LHFPL6: variants seen among roughly 807,000 people sequenced by gnomAD.
LHFPL6 encodes LHFPL tetraspan subfamily member 6 protein.
LHFPL6 carries 9 observed loss-of-function variants against 20.6 expected under a neutral mutation model. The ratio of observed to expected loss-of-function variants is 0.44; its 90% CI spans 0.26 to 0.76. LHFPL6 has a LOEUF of 0.76. Ranked by LOEUF, LHFPL6 falls within the 30% of genes least tolerant of loss-of-function variation. The pLI is 0.20. For synonymous variants in LHFPL6, 105 were observed against 98.7 expected (o/e 1.06, Z -0.38); for missense variants, 218 against 253.5 (o/e 0.86, Z 0.95).
intron 2 of LHFPL6, among the ~76,000 whole-genome samples, chr13:39,383,391 T>G (rs1019219276): frequency 2.0e-5 from 3 of 152,236 alleles, no homozygotes; most frequent in African/African-American, 7.2e-5. Flanking sequence ...TAGCCACAGG[T>G]AGCCCTTTAA....
At chr13:39,501,312 C>T (rs1241569126) in intron 2 of LHFPL6, among the ~76,000 whole-genome samples, 1 of 152,174 alleles carries the variant, frequency 6.6e-6, no homozygotes, top group East Asian at 1.9e-4. Context: ...CAGCCTCTCA[C>T]GCTATCCTTT....
chr13:39,519,073 T>G (rs1008147795), intron 2 of LHFPL6, among the ~76,000 whole-genome samples: 1 of 152,052 alleles, frequency 6.6e-6, no homozygotes, highest in African/African-American at 2.4e-5. Flanking sequence ...TCGTCTCTAC[T>G]AAAAATACAA....
In LHFPL6 at chr13:39,601,165, G is replaced by A; in HGVS notation, c.52C>T (p.Leu18Phe). The change falls in exon 2 of 4, where the codon CTT (leucine) becomes TTT (phenylalanine). Residue 18 changes from leucine to phenylalanine, a missense_variant. Transcript: ENST00000379589. ...CCCACGCAGGAGGTGGCAGCACAAA[G>A]AAAAGACAGCAAAGCCCAGATTACT... The part of the protein sequence containing the change: ...TGVIWALLSF[L>F]CAATSCVGFF... The A allele has an allele frequency of 6.2e-7, 1 of 1,614,068 alleles. No individual in the cohort carries two copies. The highest frequency in any genetic ancestry group is 8.5e-7 in the Non-Finnish European group (1 of 1,180,016).
chr13:39,439,519 A>G (rs1017015811), intron 2 of LHFPL6, among the ~76,000 whole-genome samples: 1 of 151,916 alleles, frequency 6.6e-6, no homozygotes, highest in Non-Finnish European at 1.5e-5. Context: ...TGTGAGGGGG[A>G]CATAAGATTT....
Position 39,502,153 on chromosome 13 carries a change from C to T in LHFPL6, c.385+98679G>A, listed in dbSNP as rs549165057. 9.8e-5 allele frequency among the ~76,000 whole-genome samples: 15 copies of T among 152,302 alleles called. No homozygotes were observed. The East Asian group carries it at 2.9e-3, about 29-fold the overall frequency. On this transcript the variant is annotated intron_variant, in intron 2 of 3. Coordinates refer to ENST00000379589, the MANE Select transcript of LHFPL6 (RefSeq NM_005780.3). The stretch of plus-strand genomic sequence containing the variant: ...TGCTGTGTGTGTCACAGATGGTGCA[C>T]AAACACCTCAAAATGGCCTTGCCAG...
At chr13:39,381,088 C>T (rs181046836) in intron 2 of LHFPL6, among the ~76,000 whole-genome samples, 71 of 152,280 alleles carry the variant, frequency 4.7e-4, no homozygotes, top group Non-Finnish European at 8.8e-5. Flanking sequence ...TCCACTCAGT[C>T]CGTGGAAAAA....
chr13:39,380,283 C>A (rs899919403), intron 2 of LHFPL6, among the ~76,000 whole-genome samples: 2 of 152,112 alleles, frequency 1.3e-5, no homozygotes, highest in African/African-American at 4.8e-5. Context: ...AGAAAGGCAT[C>A]TGGACAAGAA....
chr13:39,538,093 C>T (rs971477809), intron 2 of LHFPL6, among the ~76,000 whole-genome samples: 6 of 150,754 alleles, frequency 4.0e-5, no homozygotes, highest in African/African-American at 1.5e-4. Flanking sequence ...CAGGTTCAAG[C>T]GATTCTCCTG....
chr13:39,561,496 G>A (rs1192411716), intron 2 of LHFPL6, among the ~76,000 whole-genome samples: 2 of 152,220 alleles, frequency 1.3e-5, no homozygotes, highest in South Asian at 4.1e-4. Context: ...TAAGAGATGG[G>A]GTCTTGTTCT....
chr13:39,472,613 AT>A (rs1463578091), intron 2 of LHFPL6, among the ~76,000 whole-genome samples: 1 of 151,650 alleles, frequency 6.6e-6, no homozygotes, highest in African/African-American at 2.4e-5. Context: ...ATTTTAATTA[AT>A]TTTTTTGTGT....
At chr13:39,489,377 C>T (rs7333848) in intron 2 of LHFPL6, among the ~76,000 whole-genome samples, 1 of 152,056 alleles carries the variant, frequency 6.6e-6, no homozygotes, top group South Asian at 2.1e-4. Flanking sequence ...GGAGTGCTTC[C>T]TTGGACAAGG....
chr13:39,369,599 C>CTTCCT (rs370421871), intron 3 of LHFPL6, among the ~76,000 whole-genome samples: 4 of 40,152 alleles, frequency 1.0e-4, no homozygotes, highest in South Asian at 8.1e-4. Flanking sequence ...TCCTTCCTTC[C>CTTCCT]TCCCTCTCTC....
At chr13:39,601,593 G>A (rs139159504) in intron 1 of LHFPL6, among the ~76,000 whole-genome samples, 173 of 152,128 alleles carry the variant, frequency 1.1e-3, no homozygotes, top group African/African-American at 3.7e-3. Flanking sequence ...TTTATCTTCC[G>A]TAAATATTTC....
intron 2 of LHFPL6, among the ~76,000 whole-genome samples, chr13:39,521,800 C>T (rs1172443776): frequency 6.6e-6 from 1 of 152,166 alleles, no homozygotes; most frequent in East Asian, 1.9e-4. Flanking sequence ...TACTTTTTGG[C>T]TTGCTTTGCA....
chr13:39,388,080 T>A (rs1312575394), intron 2 of LHFPL6, among the ~76,000 whole-genome samples: 1 of 152,218 alleles, frequency 6.6e-6, no homozygotes, highest in Non-Finnish European at 1.5e-5. Flanking sequence ...AAGGAAAGCA[T>A]ATCTTATTCA....
chr13:39,588,550 T>C (rs926031192), intron 2 of LHFPL6, among the ~76,000 whole-genome samples: 4 of 152,232 alleles, frequency 2.6e-5, no homozygotes, highest in Non-Finnish European at 4.4e-5. Flanking sequence ...AAAATGTGCT[T>C]GAAGAGGGAA....
intron 2 of LHFPL6, among the ~76,000 whole-genome samples, chr13:39,484,103 A>G (rs1868631166): frequency 6.6e-6 from 1 of 152,152 alleles, no homozygotes; most frequent in Non-Finnish European, 1.5e-5. Context: ...TGTGCTTTCA[A>G]TGCCATTCAC....
intron 2 of LHFPL6, among the ~76,000 whole-genome samples, chr13:39,497,480 G>A (rs550871143): frequency 2.6e-5 from 4 of 152,270 alleles, no homozygotes; most frequent in African/African-American, 9.6e-5. Context: ...CATGCTAAGA[G>A]GCACTTGGAA....
chr13:39,529,703 A>T (rs575665915), intron 2 of LHFPL6, among the ~76,000 whole-genome samples: 1 of 152,320 alleles, frequency 6.6e-6, no homozygotes, highest in African/African-American at 2.4e-5. Flanking sequence ...AAAATTAATT[A>T]ACTTGCCCAC....
Sources: allele counts gnomAD v4.1 joint callset (sites outside exome capture counted in the v4.1 genomes callset), GRCh38; gene constraint gnomAD v4.1.1; transcripts MANE v1.5; gene names NCBI Gene and HGNC (gene_info 2026-07-23, HGNC 2026-07-21).